MKLN1: variants seen among roughly 807,000 people sequenced by gnomAD.
MKLN1 encodes muskelin.
MKLN1 carries 18 observed loss-of-function variants against 99.0 expected under a neutral mutation model. The ratio of observed to expected loss-of-function variants is 0.18; its 90% CI spans 0.13 to 0.27. The LOEUF is 0.27. MKLN1 is among the 10% of genes least tolerant of loss of function. The pLI is 1.00. For synonymous variants in MKLN1, 288 were observed against 293.2 expected, an observed-to-expected ratio of 0.98 and a Z score of 0.18; for missense variants, 621 against 875.9, an observed-to-expected ratio of 0.71 and a Z score of 3.67.
chr7:131,342,038 T>G (rs1799422397), intron 1 of MKLN1, among the ~76,000 whole-genome samples: 1 of 152,234 alleles, frequency 6.6e-6, no homozygotes, highest in Non-Finnish European at 1.5e-5. Context: ...TAATAAACAT[T>G]CATACAAGTT....
intron 1 of MKLN1, among the ~76,000 whole-genome samples, chr7:131,138,318 A>C (rs57778444): frequency 0.14 from 21,105 of 152,192 alleles, 1,595 homozygotes; most frequent in African/African-American, 0.19. Flanking sequence ...CACCTTAATA[A>C]ATATGTTTAT....
intron 2 of MKLN1, among the ~76,000 whole-genome samples, chr7:131,162,666 C>A (rs1796072130): frequency 6.6e-6 from 1 of 152,118 alleles, no homozygotes; most frequent in South Asian, 2.1e-4. Context: ...TATGTATATG[C>A]AGATATTCCA....
At chr7:131,389,627 T>C (rs1312619438) in intron 4 of MKLN1, among the ~76,000 whole-genome samples, 2 of 152,132 alleles carry the variant, frequency 1.3e-5, no homozygotes, top group Non-Finnish European at 2.9e-5. Flanking sequence ...TTAGTATTTT[T>C]CAGGTGATTT....
chr7:131,439,862 T>G (rs984271680), intron 10 of MKLN1, among the ~76,000 whole-genome samples: 7 of 136,788 alleles, frequency 5.1e-5, no homozygotes, highest in African/African-American at 2.0e-4. Context: ...GCAAAAAGAT[T>G]TAAACACACA....
chr7:131,405,275 G>C (rs548744579), intron 6 of MKLN1, among the ~76,000 whole-genome samples: 1 of 151,910 alleles, frequency 6.6e-6, no homozygotes, highest in Non-Finnish European at 1.5e-5. Flanking sequence ...CTAGTCTCTT[G>C]AGAGAACCAA....
chr7:131,432,179 TGA>T (rs1563345197), intron 9 of MKLN1, among the ~76,000 whole-genome samples: 39 of 152,058 alleles, frequency 2.6e-4, no homozygotes, highest in Non-Finnish European at 5.0e-4. Flanking sequence ...TACTCTTTAG[TGA>T]GTAAGTAGGT....
In MKLN1 at chr7:131,477,525, C is replaced by T. The variant is rs535791584; in HGVS notation, c.2032-1098C>T. Among the ~76,000 whole-genome samples the T allele has an allele frequency of 7.9e-5, 12 of 152,256 alleles. No homozygotes were observed. In the East Asian group the frequency reaches 2.3e-3, roughly 29 times the overall value. On this transcript the variant is annotated intron_variant, in intron 16 of 17. Coordinates refer to ENST00000352689, the MANE Select transcript of MKLN1 (RefSeq NM_013255.5). ...CTGCCTCAAAAAATAAATAAATAGA[C>T]AAGCCACATACTAAACAATCTTTGC...
chr7:131,401,634 T>C (rs1165899603), intron 6 of MKLN1, among the ~76,000 whole-genome samples: 1 of 152,154 alleles, frequency 6.6e-6, no homozygotes, highest in Non-Finnish European at 1.5e-5. Context: ...GTTTTTTGGA[T>C]TGTGCAGTAG....
chr7:131,258,683 A>C (rs1215813786), intron 3 of MKLN1, among the ~76,000 whole-genome samples: 1 of 152,216 alleles, frequency 6.6e-6, no homozygotes, highest in East Asian at 1.9e-4. Context: ...TTACATTCCC[A>C]GAGCTTTTTC....
Position 131,466,276 on chromosome 7 carries a change from G to A in MKLN1, c.1789G>A (p.Val597Ile). 6.3e-7 allele frequency: 1 copy of A among 1,597,342 alleles called. No homozygotes were observed. Among genetic ancestry groups the A allele is most frequent in the Non-Finnish European group, 8.5e-7 (1 of 1,169,984 alleles). The change falls in exon 15 of 18, where the codon GTT becomes ATT. Residue 597 changes from valine to isoleucine, a missense_variant and splice_region_variant. By Grantham distance (29) the Val-to-Ile change is conservative. Transcript: ENST00000352689. ...HQLVYDELHKVHYLFGGNPGK... is the reference protein window; with the variant it reads ...HQLVYDELHKIHYLFGGNPGK... Reference sequence around the variant, plus strand: ...ATCTGGCTTATTTTGCTTATTATAGGTTCATTACTTATTTGGTGGGAATCC... The same window carrying A: ...ATCTGGCTTATTTTGCTTATTATAGATTCATTACTTATTTGGTGGGAATCC...
At chr7:131,475,585 G>C (rs1796941225) in intron 16 of MKLN1, among the ~76,000 whole-genome samples, 1 of 152,162 alleles carries the variant, frequency 6.6e-6, no homozygotes, top group Non-Finnish European at 1.5e-5. Flanking sequence ...AGGCTGAGGG[G>C]TGGATCGCCT....
chr7:131,353,411 A>G (rs1799777350), intron 1 of MKLN1, among the ~76,000 whole-genome samples: 1 of 151,998 alleles, frequency 6.6e-6, no homozygotes, highest in African/African-American at 2.4e-5. Flanking sequence ...GAATGTATTC[A>G]TGTCTTACCT....
At position 131,173,968 on chromosome 7, in the gene MKLN1, C is replaced by CTTTT. The variant is rs796102760; in HGVS notation, c.-296-28887_-296-28884dup. 7.5e-4 allele frequency among the ~76,000 whole-genome samples: 89 copies of CTTTT among 118,654 alleles called. 13 individuals are homozygous for CTTTT. The highest frequency in any genetic ancestry group is 1.4e-3 in the African/African-American group (47 of 32,882). 77.8% of individuals were successfully genotyped at this position (118,654 alleles called of 152,430 possible). On this transcript the variant is annotated intron_variant, in intron 2 of 7. Transcript: ENST00000416992. The stretch of plus-strand genomic sequence containing the variant: ...TTCTCCAGAGTTTAAAGACCTTTTT[C>CTTTT]TTTTTCTTTTTTTTTTTTTTTTGAG...
intron 3 of MKLN1, among the ~76,000 whole-genome samples, chr7:131,213,461 T>C (rs1796935671): frequency 6.6e-6 from 1 of 152,218 alleles, no homozygotes; most frequent in African/African-American, 2.4e-5. Context: ...GTGCACACCA[T>C]GTGAGGTTTT....
chr7:131,487,601 C>A lies in MKLN1; in HGVS notation c.2087-6C>A. 1.2e-6 allele frequency: 2 copies of A among 1,610,576 alleles called. No individual in the cohort carries two copies. The highest frequency in any genetic ancestry group is 1.7e-6 in the Non-Finnish European group (2 of 1,178,586). On this transcript the variant is annotated splice_polypyrimidine_tract_variant and splice_region_variant and intron_variant, in intron 17 of 17. Coordinates refer to ENST00000352689, the MANE Select transcript of MKLN1 (RefSeq NM_013255.5). The surrounding 1 kb of genome is among the most constrained non-coding windows in gnomAD (Gnocchi z 4.7). ...AATGGATGTTTCTTTGTATCTTCTT[C>A]ACCAGGCTTTTCTGATGTGGATCAC...
At chr7:131,407,675 C>T (rs7784242) in intron 6 of MKLN1, among the ~76,000 whole-genome samples, 82,128 of 150,160 alleles carry the variant, frequency 0.55, 22,937 homozygotes, top group East Asian at 0.67. Context: ...AGACCCTTTT[C>T]CTGAAACATG....
intron 10 of MKLN1, among the ~76,000 whole-genome samples, chr7:131,441,164 A>G (rs1795826740): frequency 1.3e-5 from 2 of 152,204 alleles, no homozygotes; most frequent in South Asian, 2.1e-4. Context: ...GTAGCAGGAA[A>G]AACTTCAGTT....
intron 2 of MKLN1, among the ~76,000 whole-genome samples, chr7:131,375,997 C>T (rs1296948268): frequency 2.0e-5 from 3 of 149,310 alleles, no homozygotes; most frequent in East Asian, 1.9e-4. Context: ...ATTAGGCACA[C>T]GTATGTCCAT....
In MKLN1 at chr7:131,327,929, G is replaced by A. The variant is rs1266546024; in HGVS notation, c.30G>A (p.Ala10=). 6.2e-7 allele frequency: 1 copy of A among 1,613,166 alleles called. No homozygotes were observed. The highest frequency in any genetic ancestry group is 2.2e-5 in the East Asian group (1 of 44,840). Residue 10 remains alanine (A), a synonymous_variant, in exon 1 of 18, where the codon GCG becomes GCA. Coordinates refer to ENST00000352689, the MANE Select transcript of MKLN1 (RefSeq NM_013255.5). ...CGGCTGGCGGAGCTGTCGCTGCGGCGCCCGAGTGCCGGCTTCTCCCCTACG... is the reference window on the plus strand; with the variant it reads ...CGGCTGGCGGAGCTGTCGCTGCGGCACCCGAGTGCCGGCTTCTCCCCTACG... MAAGGAVAA[A]PECRLLPYAL...
Sources: gnomAD v4.1 joint callset for allele counts (sites outside exome capture counted in the v4.1 genomes callset) on GRCh38, gnomAD v4.1.1 for gene constraint, Gnocchi (gnomAD v3.1) non-coding constraint, MANE v1.5 for transcripts, NCBI Gene and HGNC (gene_info 2026-07-23, HGNC 2026-07-21) for gene names.